The following SLF1 variants were observed in gnomAD, a reference collection of about 807,000 sequenced individuals.
SLF1 encodes the protein SMC5/6 complex localization factor 1.
Under a neutral mutation model 123.0 loss-of-function variants are expected in SLF1, and 105 were observed. The ratio of observed to expected loss-of-function variants is 0.85; its 90% CI spans 0.73 to 1.00. The LOEUF (loss-of-function observed/expected upper bound fraction) is 1.00, where lower values mean the gene tolerates loss of function less well. Ranked by LOEUF, SLF1 falls within the 50% of genes least tolerant of loss-of-function variation. SLF1 has a pLI of 0.00. For missense variants in SLF1, 1,239 were observed against 1,223.0 expected (o/e 1.01, Z -0.20); for synonymous variants, 434 against 406.6 (o/e 1.07, Z -0.81).
chr5:94,635,466 T>C (rs1745668733), intron 4 of SLF1, among the ~76,000 whole-genome samples: 1 of 151,876 alleles, frequency 6.6e-6, no homozygotes, highest in Non-Finnish European at 1.5e-5. Context: ...GCTGCCATTT[T>C]GTAGTTTGTT....
At chr5:94,619,801 A>C (rs1202644243) in intron 1 of SLF1, among the ~76,000 whole-genome samples, 1 of 152,214 alleles carries the variant, frequency 6.6e-6, no homozygotes, top group East Asian at 1.9e-4. Flanking sequence ...GCAGGTGTTC[A>C]ATACCTAAGT....
chr5:94,623,749 T>G (rs575740495), intron 1 of SLF1, among the ~76,000 whole-genome samples: 17 of 152,264 alleles, frequency 1.1e-4, no homozygotes, highest in African/African-American at 3.8e-4. Context: ...TGATATATGT[T>G]AAACCAATTA....
intron 14 of SLF1, among the ~76,000 whole-genome samples, chr5:94,676,763 C>G (rs1751116865): frequency 6.6e-6 from 1 of 152,226 alleles, no homozygotes; most frequent in Admixed American, 6.5e-5. Context: ...AAACACTGTT[C>G]TGGCAAGCTG....
intron 9 of SLF1, 76 bp downstream of exon 9, chr5:94,654,828 CA>C: frequency 4.1e-6 from 4 of 982,454 alleles, no homozygotes; most frequent in Non-Finnish European, 5.4e-6. Context: ...ATTATATATA[CA>C]TATATACATA....
At chr5:94,655,574 A>G (rs1199031697) in intron 9 of SLF1, among the ~76,000 whole-genome samples, 1 of 152,168 alleles carries the variant, frequency 6.6e-6, no homozygotes, top group Non-Finnish European at 1.5e-5. Context: ...CTTCAAACTC[A>G]TAAACATGGA....
At chr5:94,622,351 T>G (rs1267495033) in intron 1 of SLF1, among the ~76,000 whole-genome samples, 1 of 152,150 alleles carries the variant, frequency 6.6e-6, no homozygotes, top group Admixed American at 6.5e-5. Flanking sequence ...AAAAGTAGGT[T>G]TAAAATCAAA....
chr5:94,625,212 T>C (rs1041996208), intron 1 of SLF1, among the ~76,000 whole-genome samples: 1 of 150,122 alleles, frequency 6.7e-6, no homozygotes. Flanking sequence ...AAAAAAAATA[T>C]TAAACAATAA....
rs1296813712 is a variant in SLF1 at position 94,692,124 on chromosome 5, G to C, written c.2563G>C (p.Val855Leu). ...LHEACNYGNT[V>L]CVQEILQRCP... ...TGAAGCCTGTAACTATGGCAACACA[G>C]TGTGTGTCCAGGAAATTTTGCAACG... Residue 855 changes from valine (V) to leucine (L), a missense_variant, in exon 20 of 21, where the codon GTG becomes CTG. By Grantham distance (32) the Val-to-Leu change is conservative. Coordinates refer to ENST00000265140, the MANE Select transcript of SLF1 (RefSeq NM_032290.4). The C allele has an allele frequency of 1.2e-6, 2 of 1,613,842 alleles. No homozygotes were observed. Among genetic ancestry groups the C allele is most frequent in the Admixed American group, 1.7e-5 (1 of 59,974 alleles).
At position 94,635,103 on chromosome 5, in the gene SLF1, T is replaced by A. The variant is rs548181466; in HGVS notation, c.431+4360T>A. ...TGAGCTTTGGAGTCAAATCCAAAAATTATTGCCCAGACTAATGTCCTGTAG... is the reference window on the plus strand; with the variant it reads ...TGAGCTTTGGAGTCAAATCCAAAAAATATTGCCCAGACTAATGTCCTGTAG... On this transcript the variant is annotated intron_variant, in intron 4 of 20. Coordinates refer to ENST00000265140, the MANE Select transcript of SLF1 (RefSeq NM_032290.4). Among the ~76,000 whole-genome samples the A allele has an allele frequency of 1.2e-4, 18 of 152,040 alleles. No homozygotes were observed. The South Asian group carries it at 3.3e-3, about 28-fold the overall frequency.
At chr5:94,694,189 ACT>A (rs1753338341) in intron 20 of SLF1, among the ~76,000 whole-genome samples, 1 of 151,924 alleles carries the variant, frequency 6.6e-6, no homozygotes, top group Non-Finnish European at 1.5e-5. Context: ...ATCCTTTAGT[ACT>A]TAGTGGATAA....
chr5:94,635,667 T>A (rs1745689800), intron 4 of SLF1, among the ~76,000 whole-genome samples: 1 of 152,132 alleles, frequency 6.6e-6, no homozygotes, highest in East Asian at 1.9e-4. Flanking sequence ...GTCAAACTGA[T>A]AACTTTGGTC....
intron 14 of SLF1, 78 bp from the exon 15 acceptor site, chr5:94,678,730 A>G (rs1365367728): frequency 1.5e-6 from 2 of 1,344,632 alleles, no homozygotes; most frequent in Non-Finnish European, 2.0e-6. Flanking sequence ...TTGCCCCTCA[A>G]AAAGTATTCA....
At chr5:94,688,198 A>G (rs1001369344) in intron 16 of SLF1, among the ~76,000 whole-genome samples, 1 of 152,158 alleles carries the variant, frequency 6.6e-6, no homozygotes, top group Non-Finnish European at 1.5e-5. Context: ...TACATATAAA[A>G]TGTGCAAATG....
intron 18 of SLF1, among the ~76,000 whole-genome samples, chr5:94,689,861 G>A (rs992472552): frequency 6.6e-6 from 1 of 152,106 alleles, no homozygotes; most frequent in Non-Finnish European, 1.5e-5. Context: ...GAAACACAGT[G>A]TAGCATTCAT....
chr5:94,666,413 T>C (rs1237464014), intron 12 of SLF1, among the ~76,000 whole-genome samples: 1 of 152,188 alleles, frequency 6.6e-6, no homozygotes, highest in Non-Finnish European at 1.5e-5. Flanking sequence ...GCTTCAGTTA[T>C]ATTTTTTTCA....
intron 9 of SLF1, among the ~76,000 whole-genome samples, chr5:94,658,162 G>T (rs200050991): frequency 2.4e-3 from 304 of 126,616 alleles, no homozygotes; most frequent in East Asian, 3.6e-3. Flanking sequence ...GGTGTTTTTT[G>T]TTTTTTTTTT....
intron 10 of SLF1, 135 bp downstream of exon 10, chr5:94,662,486 A>G (rs922883563): frequency 4.7e-6 from 3 of 640,220 alleles, no homozygotes; most frequent in African/African-American, 1.9e-5. Context: ...ATAAAGAAAT[A>G]TAGCTTCTCT....
intron 4 of SLF1, among the ~76,000 whole-genome samples, chr5:94,635,219 G>A (rs1401399438): frequency 1.3e-5 from 2 of 151,578 alleles, no homozygotes; most frequent in Non-Finnish European, 2.9e-5. Context: ...TCATAGGAGT[G>A]TAGCTAGTCC....
intron 10 of SLF1, 26 bp from the exon 11 acceptor site, chr5:94,663,724 G>T (rs1415951084): frequency 6.8e-7 from 1 of 1,469,430 alleles, no homozygotes; most frequent in Non-Finnish European, 9.1e-7. Context: ...TCTTTTCTCT[G>T]AATCATAGAA....
Sources: allele counts gnomAD v4.1 joint callset (sites outside exome capture counted in the v4.1 genomes callset), GRCh38; gene constraint gnomAD v4.1.1; transcripts MANE v1.5; gene names NCBI Gene and HGNC (gene_info 2026-07-23, HGNC 2026-07-21).